Variants in IQCM observed in about 807,000 individuals in gnomAD.
The protein encoded by IQCM is IQ domain-containing protein M.
Under a neutral mutation model 57.6 loss-of-function variants are expected in IQCM, and 45 were observed. The observed-to-expected ratio is 0.78, with a 90% CI of 0.62 to 1.00. The LOEUF (loss-of-function observed/expected upper bound fraction) is 1.00, where lower values mean the gene tolerates loss of function less well. Ranked by LOEUF, IQCM falls within the 50% of genes least tolerant of loss-of-function variation. The pLI, the probability that IQCM is intolerant of heterozygous loss-of-function variation, is 0.00. For synonymous variants in IQCM, 148 were observed against 158.9 expected (o/e 0.93, Z 0.51); for missense variants, 468 against 511.6 (o/e 0.91, Z 0.82).
chr4:149,472,909 T>G (rs1235631001), intron 12 of IQCM, among the ~76,000 whole-genome samples: 1 of 152,188 alleles, frequency 6.6e-6, no homozygotes, highest in Non-Finnish European at 1.5e-5. Context: ...CTGGGAAAAC[T>G]GGCTAGCCAT....
intron 2 of IQCM, among the ~76,000 whole-genome samples, chr4:149,758,145 G>A (rs1347140552): frequency 6.6e-6 from 1 of 152,066 alleles, no homozygotes; most frequent in Non-Finnish European, 1.5e-5. Context: ...CTTTGACAAA[G>A]GAGCTTTTGT....
intron 13 of IQCM, among the ~76,000 whole-genome samples, chr4:149,385,242 A>G (rs954664253): frequency 9.2e-5 from 14 of 152,094 alleles, no homozygotes; most frequent in African/African-American, 3.4e-4. Flanking sequence ...AATATCAGAC[A>G]CTTGCTAACA....
chr4:149,743,615 A>G (rs968072450), intron 2 of IQCM, among the ~76,000 whole-genome samples: 1 of 152,186 alleles, frequency 6.6e-6, no homozygotes, highest in African/African-American at 2.4e-5. Context: ...GGACCTAGGC[A>G]TCTGGCATTT....
At chr4:149,793,738 A>G (rs1053210216) in intron 2 of IQCM, 8 of 152,012 alleles carry the variant, frequency 5.3e-5, no homozygotes, top group African/African-American at 1.7e-4. Flanking sequence ...AAAGAGAGGG[A>G]AAAAAAACCT....
chr4:149,760,412 A>C (rs1181374513), intron 2 of IQCM, among the ~76,000 whole-genome samples: 1 of 152,134 alleles, frequency 6.6e-6, no homozygotes, highest in African/African-American at 2.4e-5. Flanking sequence ...CAAGATGAAA[A>C]TAGTACAGCA....
intron 10 of IQCM, among the ~76,000 whole-genome samples, chr4:149,557,044 G>A (rs76358313): frequency 0.024 from 3,621 of 152,202 alleles, 106 homozygotes; most frequent in South Asian, 0.15. Flanking sequence ...TTTTCTCCCA[G>A]TGTACTCTGA....
At chr4:149,499,660 G>T (rs558841851) in intron 12 of IQCM, among the ~76,000 whole-genome samples, 15 of 151,882 alleles carry the variant, frequency 9.9e-5, no homozygotes, top group African/African-American at 3.6e-4. Flanking sequence ...TACCTTATAG[G>T]CAAGAAATGA....
intron 11 of IQCM, among the ~76,000 whole-genome samples, chr4:149,552,184 C>G (rs964105659): frequency 4.6e-5 from 7 of 152,138 alleles, no homozygotes; most frequent in African/African-American, 1.4e-4. Flanking sequence ...TGAAAACTAT[C>G]ATTTTAACAA....
intron 2 of IQCM, chr4:149,748,761 G>A (rs1434328958): frequency 1.3e-5 from 2 of 152,050 alleles, no homozygotes; most frequent in African/African-American, 4.8e-5. Context: ...AGTAACTTGG[G>A]GGTAAAAAGG....
chr4:149,359,946 G>T (rs1184485619), intron 13 of IQCM, among the ~76,000 whole-genome samples: 1 of 152,086 alleles, frequency 6.6e-6, no homozygotes, highest in Non-Finnish European at 1.5e-5. Context: ...GCTATGGGGT[G>T]ATATAAAGGG....
intron 2 of IQCM, among the ~76,000 whole-genome samples, chr4:149,762,806 G>T (rs534516468): frequency 6.6e-6 from 1 of 152,104 alleles, no homozygotes; most frequent in South Asian, 2.1e-4. Flanking sequence ...CAAACAAATT[G>T]CTTAATACTT....
At chr4:149,585,521 T>C (rs557850457) in intron 9 of IQCM, among the ~76,000 whole-genome samples, 1 of 151,798 alleles carries the variant, frequency 6.6e-6, no homozygotes, top group Admixed American at 6.6e-5. Flanking sequence ...TATACATATA[T>C]ATAGTTTTAT....
At chr4:149,658,687 T>A (rs548925736) in intron 7 of IQCM, among the ~76,000 whole-genome samples, 2 of 152,262 alleles carry the variant, frequency 1.3e-5, no homozygotes, top group East Asian at 3.9e-4. Context: ...AATGAAGACA[T>A]CTTTCACAAC....
intron 12 of IQCM, among the ~76,000 whole-genome samples, chr4:149,465,243 G>GA (rs1738729138): frequency 6.6e-6 from 1 of 152,034 alleles, no homozygotes; most frequent in Admixed American, 6.6e-5. Context: ...TTAATCAATT[G>GA]ATTAACAGAA....
intron 13 of IQCM, among the ~76,000 whole-genome samples, chr4:149,371,237 C>A (rs1328143151): frequency 6.6e-6 from 1 of 151,994 alleles, no homozygotes; most frequent in African/African-American, 2.4e-5. Context: ...AAACGTGGGG[C>A]AACTTTCTAC....
chr4:149,579,525 C>T (rs577084872), intron 9 of IQCM, among the ~76,000 whole-genome samples: 11 of 151,960 alleles, frequency 7.2e-5, no homozygotes, highest in South Asian at 2.1e-4. Context: ...TCTGATGCCT[C>T]GTGACTAATG....
At chr4:149,387,618 G>A (rs977594470) in intron 13 of IQCM, among the ~76,000 whole-genome samples, 18 of 151,922 alleles carry the variant, frequency 1.2e-4, no homozygotes, top group African/African-American at 3.6e-4. Flanking sequence ...ATAGAAAGCT[G>A]CATTATTTTT....
intron 7 of IQCM, among the ~76,000 whole-genome samples, chr4:149,641,800 G>C (rs965298926): frequency 6.6e-6 from 1 of 151,978 alleles, no homozygotes; most frequent in South Asian, 2.1e-4. Flanking sequence ...ATTTACTAGG[G>C]TCATCAATTA....
At chr4:149,402,939 C>A (rs796689973) in intron 13 of IQCM, among the ~76,000 whole-genome samples, 6 of 151,956 alleles carry the variant, frequency 3.9e-5, no homozygotes, top group African/African-American at 9.6e-5. Flanking sequence ...GTTCTCTCAA[C>A]TCTATCACAT....
Sources: allele counts gnomAD v4.1 joint callset (sites outside exome capture counted in the v4.1 genomes callset), GRCh38; gene constraint gnomAD v4.1.1; transcripts MANE v1.5; gene names NCBI Gene and HGNC (gene_info 2026-07-23, HGNC 2026-07-21).